Variants in DRC11 observed in about 807,000 individuals in gnomAD.
DRC11 encodes the protein IQ and AAA domain-containing protein 1.
At chr2:236,358,324 GA>G in the DRC11 span, among the ~76,000 whole-genome samples, 1 of 128,782 alleles carries the variant, frequency 7.8e-6, no homozygotes, top group East Asian at 2.2e-4. Flanking sequence ...TATACTATAT[GA>G]ATATATATGA....
the DRC11 span, among the ~76,000 whole-genome samples, chr2:236,412,175 G>A: frequency 9.2e-5 from 14 of 152,248 alleles, no homozygotes; most frequent in Middle Eastern, 3.4e-3. Context: ...GATTATAGGC[G>A]TGGGCCACTG....
At chr2:236,494,780 TC>T in the DRC11 span, among the ~76,000 whole-genome samples, 1 of 152,098 alleles carries the variant, frequency 6.6e-6, no homozygotes, top group African/African-American at 2.4e-5. This position sits in a 1 kb window ranked among gnomAD's most constrained non-coding sequence, Gnocchi z 4.2. Flanking sequence ...TGGGACAGTA[TC>T]CCCATGACTT....
the DRC11 span, among the ~76,000 whole-genome samples, chr2:236,476,529 C>G: frequency 6.6e-6 from 1 of 152,110 alleles, no homozygotes; most frequent in African/African-American, 2.4e-5. This position sits in a 1 kb window ranked among gnomAD's most constrained non-coding sequence, Gnocchi z 4.7. Context: ...TTGACTTCTT[C>G]CTTTCCAATT....
the DRC11 span, chr2:236,343,885 T>G: frequency 5.7e-5 from 28 of 492,868 alleles, no homozygotes; most frequent in Non-Finnish European, 9.6e-5. The surrounding 1 kb of genome is among the most constrained non-coding windows in gnomAD (Gnocchi z 6.6). Flanking sequence ...AAATCATCTC[T>G]ACCTGCGAAA....
chr2:236,450,797 C>A, the DRC11 span, among the ~76,000 whole-genome samples: 2 of 152,144 alleles, frequency 1.3e-5, no homozygotes, highest in Non-Finnish European at 1.5e-5. Context: ...GCTTTTGTAT[C>A]AGTGTGATGC....
the DRC11 span, among the ~76,000 whole-genome samples, chr2:236,380,219 G>T: frequency 2.6e-5 from 4 of 152,188 alleles, no homozygotes; most frequent in African/African-American, 9.7e-5. This position sits in a 1 kb window ranked among gnomAD's most constrained non-coding sequence, Gnocchi z 4.9. Flanking sequence ...CTCAGCAGAG[G>T]CGCTCGGGCA....
the DRC11 span, chr2:236,419,362 G>A: frequency 6.8e-7 from 1 of 1,466,728 alleles, no homozygotes; most frequent in Non-Finnish European, 9.0e-7. The surrounding 1 kb of genome is among the most constrained non-coding windows in gnomAD (Gnocchi z 4.8). Context: ...TTTTGTGCTG[G>A]TCAGTGTCAT....
chr2:236,433,961 T>C, the DRC11 span, among the ~76,000 whole-genome samples: 1 of 152,262 alleles, frequency 6.6e-6, no homozygotes, highest in Non-Finnish European at 1.5e-5. Flanking sequence ...TTTTTAAATA[T>C]CAAAAATGGA....
At chr2:236,458,602 C>T in the DRC11 span, among the ~76,000 whole-genome samples, 1 of 152,108 alleles carries the variant, frequency 6.6e-6, no homozygotes, top group Non-Finnish European at 1.5e-5. Context: ...CTCATTTGAC[C>T]CCACAGCATC....
At chr2:236,427,276 T>C in the DRC11 span, among the ~76,000 whole-genome samples, 1 of 152,202 alleles carries the variant, frequency 6.6e-6, no homozygotes, top group African/African-American at 2.4e-5. The surrounding 1 kb of genome is among the most constrained non-coding windows in gnomAD (Gnocchi z 5.9). Context: ...TGGTATTAGG[T>C]TTATGCTGGC....
At chr2:236,354,569 A>G in the DRC11 span, among the ~76,000 whole-genome samples, 1 of 152,130 alleles carries the variant, frequency 6.6e-6, no homozygotes, top group South Asian at 2.1e-4. Flanking sequence ...AGCTTGGAGA[A>G]GCCTGTGTGC....
chr2:236,406,833 C>G, the DRC11 span, among the ~76,000 whole-genome samples: 8 of 151,892 alleles, frequency 5.3e-5, no homozygotes, highest in Admixed American at 4.6e-4. This position sits in a 1 kb window ranked among gnomAD's most constrained non-coding sequence, Gnocchi z 4.7. Flanking sequence ...GCAAGCTCTG[C>G]CTCCCGGGTT....
chr2:236,351,101 G>T, the DRC11 span, among the ~76,000 whole-genome samples: 1 of 152,204 alleles, frequency 6.6e-6, no homozygotes, highest in African/African-American at 2.4e-5. This position sits in a 1 kb window ranked among gnomAD's most constrained non-coding sequence, Gnocchi z 7.3. Flanking sequence ...TAGAATGAAG[G>T]CTGTTCTTTC....
chr2:236,320,871 A>T, the DRC11 span, among the ~76,000 whole-genome samples: 11 of 114,000 alleles, frequency 9.6e-5, no homozygotes, highest in African/African-American at 3.6e-4. Flanking sequence ...CTCCCATTTC[A>T]TCCCACAGAG....
At chr2:236,377,055 CAA>C in the DRC11 span, 1 of 1,254,026 alleles carries the variant, frequency 8.0e-7, no homozygotes, top group South Asian at 1.3e-5. This position sits in a 1 kb window ranked among gnomAD's most constrained non-coding sequence, Gnocchi z 4.9. Flanking sequence ...TTTCAAAACA[CAA>C]GAGGTGACAC....
At chr2:236,390,844 G>C in the DRC11 span, among the ~76,000 whole-genome samples, 2 of 152,182 alleles carry the variant, frequency 1.3e-5, no homozygotes, top group Non-Finnish European at 2.9e-5. This position sits in a 1 kb window ranked among gnomAD's most constrained non-coding sequence, Gnocchi z 5.9. Flanking sequence ...GAGGCCCATG[G>C]TACTGGGTTT....
chr2:236,349,316 C>T, the DRC11 span, among the ~76,000 whole-genome samples: 1 of 152,090 alleles, frequency 6.6e-6, no homozygotes, highest in Non-Finnish European at 1.5e-5. The surrounding 1 kb of genome is among the most constrained non-coding windows in gnomAD (Gnocchi z 5.5). Context: ...ACTTCCAGCT[C>T]CAAAAGTAAA....
At chr2:236,336,286 G>A in the DRC11 span, among the ~76,000 whole-genome samples, 8 of 152,230 alleles carry the variant, frequency 5.3e-5, no homozygotes, top group African/African-American at 1.9e-4. This position sits in a 1 kb window ranked among gnomAD's most constrained non-coding sequence, Gnocchi z 7.3. Context: ...CAAAAAAAAC[G>A]GAGCAGCAAC....
the DRC11 span, among the ~76,000 whole-genome samples, chr2:236,370,893 G>A: frequency 2.6e-5 from 4 of 152,044 alleles, no homozygotes; most frequent in Non-Finnish European, 4.4e-5. The surrounding 1 kb of genome is among the most constrained non-coding windows in gnomAD (Gnocchi z 5.5). Flanking sequence ...GCATCCTCTG[G>A]CTCTGTTCCT....
Sources: gnomAD v4.1 joint callset for allele counts (sites outside exome capture counted in the v4.1 genomes callset) on GRCh38, gnomAD v4.1.1 for gene constraint, Gnocchi (gnomAD v3.1) non-coding constraint, MANE v1.5 for transcripts, NCBI Gene and HGNC (gene_info 2026-07-23, HGNC 2026-07-21) for gene names.